Variants in ZNF407 observed in about 807,000 individuals in gnomAD.
ZNF407 encodes zinc finger protein 407.
Under a neutral mutation model 131.2 loss-of-function variants are expected in ZNF407, and 17 were observed. The observed-to-expected ratio is 0.13, with a 90% confidence interval of 0.09 to 0.19. The LOEUF is 0.19. Among genes scored for constraint, ZNF407 ranks in the 10% least tolerant of loss-of-function variants. ZNF407 has a pLI of 1.00. For missense variants in ZNF407, 2,681 were observed against 2,830.6 expected (o/e 0.95, Z 1.20); for synonymous variants, 1,156 against 1,062.0 (o/e 1.09, Z -1.72).
intron 8 of ZNF407, among the ~76,000 whole-genome samples, chr18:74,982,696 GTAGA>G (rs1201232198): frequency 6.6e-6 from 1 of 152,158 alleles, no homozygotes; most frequent in Non-Finnish European, 1.5e-5. Flanking sequence ...CCCACAGCAG[GTAGA>G]TAGATAAAAA....
intron 8 of ZNF407, among the ~76,000 whole-genome samples, chr18:75,035,687 T>C (rs1488974220): frequency 6.6e-6 from 1 of 152,266 alleles, no homozygotes; most frequent in African/African-American, 2.4e-5. Flanking sequence ...GAAGAGCTCC[T>C]GTGCATTACA....
Position 74,635,791 on chromosome 18 carries a change from T to C in ZNF407, c.4687+85T>C. The C allele has an allele frequency of 6.7e-7, 1 of 1,497,248 alleles. No individual in the cohort carries two copies. Among genetic ancestry groups the C allele is most frequent in the Non-Finnish European group, 8.9e-7 (1 of 1,121,612 alleles). The allele number at this position is 1,497,248 out of a possible 1,614,324, so 92.7% of individuals were successfully genotyped here. On this transcript the variant is annotated intron_variant, in intron 2 of 8. Coordinates refer to ENST00000299687, the MANE Select transcript of ZNF407 (RefSeq NM_017757.3). The surrounding 1 kb of genome is among the most constrained non-coding windows in gnomAD (Gnocchi z 4.7). ...GATATGCAGCCCTACCTGTGGCTGCTCATTGGCTTTCCACCCGGTTCACAT... is the reference window on the plus strand; with the variant it reads ...GATATGCAGCCCTACCTGTGGCTGCCCATTGGCTTTCCACCCGGTTCACAT...
chr18:74,774,663 AC>A, intron 3 of ZNF407, among the ~76,000 whole-genome samples: 1 of 152,336 alleles, frequency 6.6e-6, no homozygotes, highest in Non-Finnish European at 1.5e-5. Context: ...AGTTTTTGTC[AC>A]TATACAAATA....
chr18:74,933,895 CT>C (rs1351321524), intron 8 of ZNF407, among the ~76,000 whole-genome samples: 1 of 151,950 alleles, frequency 6.6e-6, no homozygotes, highest in East Asian at 1.9e-4. Flanking sequence ...TCCTTGTTTT[CT>C]TTTTTTAATT....
At chr18:74,838,303 A>T (rs1281243657) in intron 4 of ZNF407, among the ~76,000 whole-genome samples, 2 of 152,172 alleles carry the variant, frequency 1.3e-5, no homozygotes, top group Non-Finnish European at 2.9e-5. Context: ...ACAGTTATAT[A>T]CTGGGACCTG....
intron 3 of ZNF407, among the ~76,000 whole-genome samples, chr18:74,699,856 GA>G (rs1380912178): frequency 2.0e-5 from 3 of 151,992 alleles, no homozygotes; most frequent in Non-Finnish European, 4.4e-5. Context: ...TTATTTTATT[GA>G]AAAACTAGAA....
At position 74,633,423 on chromosome 18, in the gene ZNF407, G is replaced by C; in HGVS notation, c.2404G>C (p.Gly802Arg). The change falls in exon 2 of 9, where the codon GGT (glycine) becomes CGT (arginine). Residue 802 changes from glycine to arginine, a missense_variant. Physicochemically the swap from Gly to Arg is moderately radical, Grantham distance 125. Coordinates refer to ENST00000299687, the MANE Select transcript of ZNF407 (RefSeq NM_017757.3). The part of the protein sequence containing the change: ...SGNGRIEGHI[G>R]VQLQEHSYLE... ...AAATGGAAGGATTGAAGGCCATATA[G>C]GTGTGCAATTACAAGAGCATTCCTA... 6.2e-7 allele frequency: 1 copy of C among 1,614,018 alleles called. No homozygotes were observed. Among genetic ancestry groups the C allele is most frequent in the Non-Finnish European group, 8.5e-7 (1 of 1,179,904 alleles).
At chr18:74,980,004 C>T (rs754149132) in intron 8 of ZNF407, among the ~76,000 whole-genome samples, 6 of 151,282 alleles carry the variant, frequency 4.0e-5, no homozygotes, top group East Asian at 1.9e-4. Context: ...CACGTGGGGT[C>T]GCAAAGGGAG....
chr18:74,749,670 C>T (rs542155410), intron 3 of ZNF407, among the ~76,000 whole-genome samples: 16 of 152,138 alleles, frequency 1.1e-4, no homozygotes, highest in South Asian at 2.1e-4. Context: ...TATTGGCTCC[C>T]GAATCATTCT....
chr18:74,607,940 C>T (rs1982881084), intron 1 of ZNF407, among the ~76,000 whole-genome samples: 1 of 152,168 alleles, frequency 6.6e-6, no homozygotes, highest in Non-Finnish European at 1.5e-5. Flanking sequence ...TTTATTTATT[C>T]CAGCTTAATC....
At chr18:74,799,903 CTT>C (rs35021931) in intron 4 of ZNF407, among the ~76,000 whole-genome samples, 47 of 131,334 alleles carry the variant, frequency 3.6e-4, no homozygotes, top group Non-Finnish European at 4.0e-4. Flanking sequence ...AAAAAAAATC[CTT>C]TTTTTTTTTT....
chr18:74,701,267 T>C (rs1225025080), intron 3 of ZNF407, among the ~76,000 whole-genome samples: 1 of 152,224 alleles, frequency 6.6e-6, no homozygotes, highest in East Asian at 1.9e-4. Flanking sequence ...TAGGCAATTA[T>C]CACCTGTGCT....
At chr18:74,827,290 G>T (rs948649426) in intron 4 of ZNF407, among the ~76,000 whole-genome samples, 2 of 152,120 alleles carry the variant, frequency 1.3e-5, no homozygotes, top group African/African-American at 4.8e-5. Context: ...TCACCCACTT[G>T]GTTTAGTGTC....
At chr18:75,040,009 C>G (rs1449451888) in intron 8 of ZNF407, among the ~76,000 whole-genome samples, 1 of 152,100 alleles carries the variant, frequency 6.6e-6, no homozygotes, top group Non-Finnish European at 1.5e-5. Context: ...TCACAGCTAC[C>G]TTGTTGGTCT....
At chr18:74,699,425 C>T (rs1446043659) in intron 3 of ZNF407, among the ~76,000 whole-genome samples, 3 of 152,048 alleles carry the variant, frequency 2.0e-5, no homozygotes, top group East Asian at 1.9e-4. Flanking sequence ...AGGGTACTTG[C>T]GTATGGGAGC....
intron 8 of ZNF407, among the ~76,000 whole-genome samples, chr18:75,017,116 A>C (rs1194846657): frequency 6.6e-6 from 1 of 152,160 alleles, no homozygotes; most frequent in Non-Finnish European, 1.5e-5. Flanking sequence ...TTCAGAAAAG[A>C]AAATGGATAG....
At chr18:74,686,713 CATT>C (rs1345125307) in intron 3 of ZNF407, among the ~76,000 whole-genome samples, 1 of 152,112 alleles carries the variant, frequency 6.6e-6, no homozygotes, top group East Asian at 1.9e-4. Flanking sequence ...ACTCTGTAGT[CATT>C]ATTTTGTTAT....
rs1388390104 is a variant in ZNF407 at position 74,631,249 on chromosome 18, A to T, written c.230A>T (p.Lys77Ile). 6.2e-7 allele frequency: 1 copy of T among 1,613,990 alleles called. No homozygotes were observed. The highest frequency in any genetic ancestry group is 1.7e-5 in the Admixed American group (1 of 60,014). The change falls in exon 2 of 9, where the codon AAA becomes ATA. Residue 77 changes from lysine to isoleucine, a missense_variant. Lys to Ile is a moderately radical substitution (Grantham distance 102). Transcript: ENST00000299687. Reference protein sequence around the residue: ...DRNKHASKRRKLDEAEPLKSG... With the variant: ...DRNKHASKRRILDEAEPLKSG... ...AATAAACATGCTTCCAAACGCAGGA[A>T]ATTAGATGAGGCAGAGCCCCTTAAA... is the stretch of plus-strand genomic sequence containing the variant.
intron 3 of ZNF407, among the ~76,000 whole-genome samples, chr18:74,654,441 T>C (rs944298071): frequency 6.6e-6 from 1 of 151,856 alleles, no homozygotes; most frequent in Non-Finnish European, 1.5e-5. Flanking sequence ...CTGAAAAATA[T>C]AGTGCAAACA....
Sources: gnomAD v4.1 joint callset for allele counts (sites outside exome capture counted in the v4.1 genomes callset) on GRCh38, gnomAD v4.1.1 for gene constraint, Gnocchi (gnomAD v3.1) non-coding constraint, MANE v1.5 for transcripts, NCBI Gene and HGNC (gene_info 2026-07-23, HGNC 2026-07-21) for gene names.